The following TMEM260 variants were observed in gnomAD, a reference collection of about 807,000 sequenced individuals.
The protein encoded by TMEM260 is transmembrane protein 260.
TMEM260 carries 82 observed loss-of-function variants against 88.9 expected under a neutral mutation model. That is an observed-to-expected ratio of 0.92 (90% CI 0.77 to 1.11). The LOEUF (loss-of-function observed/expected upper bound fraction) is 1.11. TMEM260 is among the 50% of genes least tolerant of loss of function. The pLI, the probability that TMEM260 is intolerant of heterozygous loss-of-function variation, is 0.00. For synonymous variants in TMEM260, 314 were observed against 309.3 expected (o/e 1.02, Z -0.16); for missense variants, 902 against 853.4 (o/e 1.06, Z -0.71).
At chr14:56,621,220 T>C (rs1887896127) in intron 10 of TMEM260, among the ~76,000 whole-genome samples, 1 of 152,076 alleles carries the variant, frequency 6.6e-6, no homozygotes, top group African/African-American at 2.4e-5. Flanking sequence ...AAATCTTACT[T>C]TCTAAAAATA....
At chr14:56,626,075 T>A (rs1888228439) in intron 12 of TMEM260, among the ~76,000 whole-genome samples, 1 of 152,232 alleles carries the variant, frequency 6.6e-6, no homozygotes, top group Non-Finnish European at 1.5e-5. Flanking sequence ...ATTCCTCCGA[T>A]GGCACAGTGT....
chr14:56,625,309 C>T, intron 11 of TMEM260, 73 bp from the exon 12 acceptor site: 1 of 1,486,306 alleles, frequency 6.7e-7, no homozygotes, highest in Non-Finnish European at 9.2e-7. Flanking sequence ...AGGTTTTTGC[C>T]ATTACTTGAT....
intron 3 of TMEM260, among the ~76,000 whole-genome samples, chr14:56,602,362 CCTGA>C (rs1363197827): frequency 6.6e-6 from 1 of 151,996 alleles, no homozygotes; most frequent in Non-Finnish European, 1.5e-5. Context: ...TTTTGATGAG[CCTGA>C]CTAATTGGTG....
chr14:56,653,096 C>A (rs1391890742), downstream of TMEM260, among the ~76,000 whole-genome samples: 1 of 152,068 alleles, frequency 6.6e-6, no homozygotes, highest in Non-Finnish European at 1.5e-5. Flanking sequence ...GAGTTCAAGA[C>A]CAGCCTGGCC....
downstream of TMEM260, among the ~76,000 whole-genome samples, chr14:56,653,295 G>A (rs1249325205): frequency 6.6e-6 from 1 of 152,270 alleles, no homozygotes; most frequent in South Asian, 2.1e-4. Context: ...TTTAAAATGT[G>A]TATGCACATA....
downstream of TMEM260, chr14:56,650,180 T>C (rs1890176899): frequency 2.3e-6 from 1 of 434,466 alleles, no homozygotes; most frequent in South Asian, 1.7e-5. Context: ...GCCAGCGTTC[T>C]AGCAGTGTCC....
At chr14:56,581,293 T>G (rs573710980) in intron 1 of TMEM260, among the ~76,000 whole-genome samples, 1 of 152,286 alleles carries the variant, frequency 6.6e-6, no homozygotes, top group East Asian at 1.9e-4. Flanking sequence ...GACTTGGGGA[T>G]TAGTGGGGAT....
At chr14:56,606,824 G>A (rs1299061481) in intron 5 of TMEM260, among the ~76,000 whole-genome samples, 1 of 152,226 alleles carries the variant, frequency 6.6e-6, no homozygotes, top group Non-Finnish European at 1.5e-5. Flanking sequence ...GAACCCGAGA[G>A]GAGGAGGTTG....
chr14:56,633,350 ACT>A, intron 13 of TMEM260, 179 bp downstream of exon 13: 1 of 506,780 alleles, frequency 2.0e-6, no homozygotes, highest in Non-Finnish European at 3.4e-6. Context: ...TCGTTCTCCT[ACT>A]TACAGAACAA....
rs1890087461 is a variant in TMEM260 at position 56,648,230 on chromosome 14, C to T, written c.*733C>T. The T allele has an allele frequency of 6.6e-6, 1 of 151,958 alleles. No individual in the cohort carries two copies. Among genetic ancestry groups the T allele is most frequent in the African/African-American group, 2.4e-5 (1 of 41,334 alleles). The allele number at this position is 151,958 out of a possible 1,614,324, so 9.4% of individuals were successfully genotyped here. A position where few individuals can be genotyped will look rare whatever the true frequency, so the allele number is the denominator to read the frequency against. On this transcript the variant is annotated 3_prime_UTR_variant, in exon 16 of 16. Transcript: ENST00000261556. ...TCTAGACCCAATAATTAGTAGGCTC[C>T]TGCTGCCAAAATGCAAAGGGGAAAA...
rs141468914 is a variant in TMEM260 at position 56,601,227 on chromosome 14, G to A, written c.345-2588G>A. The stretch of plus-strand genomic sequence containing the variant: ...AATATTTAATGTCAACAGTTCAAAT[G>A]CTTTAAGATGCCTTTCTGAGTGTAA... On this transcript the variant is annotated intron_variant, in intron 3 of 15. Transcript: ENST00000261556. 1.6e-3 allele frequency among the ~76,000 whole-genome samples: 241 copies of A among 152,264 alleles called. 3 individuals are homozygous for A. Among genetic ancestry groups the A allele is most frequent in the African/African-American group, 5.5e-3 (227 of 41,560 alleles).
At chr14:56,628,459 A>G (rs367644204) in intron 12 of TMEM260, among the ~76,000 whole-genome samples, 31 of 152,178 alleles carry the variant, frequency 2.0e-4, no homozygotes, top group East Asian at 1.7e-3. Context: ...TATCATATCT[A>G]AGAACTCTTT....
chr14:56,640,465 G>A (rs1889497630), intron 15 of TMEM260, among the ~76,000 whole-genome samples: 1 of 152,162 alleles, frequency 6.6e-6, no homozygotes, highest in Non-Finnish European at 1.5e-5. Flanking sequence ...CTAACAAACA[G>A]AAAGGACATC....
At chr14:56,601,982 A>G (rs1444932676) in intron 3 of TMEM260, among the ~76,000 whole-genome samples, 1 of 152,164 alleles carries the variant, frequency 6.6e-6, no homozygotes, top group East Asian at 1.9e-4. Flanking sequence ...AGAGGAAGGA[A>G]TATTGTATCT....
chr14:56,660,999 C>T, the TMEM260 span, among the ~76,000 whole-genome samples: 2 of 152,224 alleles, frequency 1.3e-5, no homozygotes, highest in South Asian at 2.1e-4. Context: ...TCCATAGGCA[C>T]TCTGGTTTGC....
At chr14:56,584,919 A>T (rs1479561195) in intron 1 of TMEM260, 82 bp from the exon 2 acceptor site, 5 of 1,149,294 alleles carry the variant, frequency 4.4e-6, no homozygotes, top group Non-Finnish European at 5.2e-6. Flanking sequence ...CAAAACCCCA[A>T]TGCAAGCATT....
chr14:56,638,733 C>T (rs1321523997), intron 15 of TMEM260, among the ~76,000 whole-genome samples: 2 of 152,098 alleles, frequency 1.3e-5, no homozygotes, highest in South Asian at 2.1e-4. Flanking sequence ...TATATTTCTG[C>T]TGTTTATATT....
chr14:56,617,571 C>T (rs768268841), intron 9 of TMEM260, among the ~76,000 whole-genome samples: 6 of 152,060 alleles, frequency 3.9e-5, no homozygotes, highest in Non-Finnish European at 8.8e-5. Context: ...AATATAGGTA[C>T]AACTGCATTT....
chr14:56,627,664 C>A (rs556271997), intron 12 of TMEM260, among the ~76,000 whole-genome samples: 5 of 152,148 alleles, frequency 3.3e-5, no homozygotes, highest in Admixed American at 6.5e-5. Context: ...TTTTTCCCCC[C>A]CAAAGGGATG....
Sources: gnomAD v4.1 joint callset for allele counts (sites outside exome capture counted in the v4.1 genomes callset) on GRCh38, gnomAD v4.1.1 for gene constraint, MANE v1.5 for transcripts, NCBI Gene and HGNC (gene_info 2026-07-23, HGNC 2026-07-21) for gene names.